Variants in DYNC1LI2 observed in about 807,000 individuals in gnomAD.
DYNC1LI2 encodes the protein dynein cytoplasmic 1 light intermediate chain 2, also known as cytoplasmic dynein 1 light intermediate chain 2.
In DYNC1LI2, 19 loss-of-function variants were observed where a neutral mutation model predicts 57.8. That is an observed-to-expected ratio of 0.33 (90% CI 0.23 to 0.48). The LOEUF (loss-of-function observed/expected upper bound fraction) is 0.48, where lower values mean the gene tolerates loss of function less well. DYNC1LI2 is among the 20% of genes least tolerant of loss of function. The probability of loss-of-function intolerance (pLI) is 0.99; values close to 1 mark genes in which losing one functional copy is unlikely to be tolerated. For synonymous variants in DYNC1LI2, 256 were observed against 233.4 expected, an observed-to-expected ratio of 1.10 and a Z score of -0.88; for missense variants, 470 against 604.2, an observed-to-expected ratio of 0.78 and a Z score of 2.33.
chr16:66,742,760 G>C (rs546004504), intron 3 of DYNC1LI2, 92 bp from the exon 4 acceptor site: 1 of 1,364,586 alleles, frequency 7.3e-7, no homozygotes, highest in East Asian at 2.5e-5. Context: ...TCTTGAAGGT[G>C]ACAGCTATGA....
rs201855076 is a variant in DYNC1LI2 at position 66,730,206 on chromosome 16, T to C, written c.947A>G (p.Asn316Ser). ...ATGTAAAATAGCTATTTTCTTTTCATTGTCCCAGCCTGCAGGTCTAAAGGC... is the reference window on the plus strand; with the variant it reads ...ATGTAAAATAGCTATTTTCTTTTCACTGTCCCAGCCTGCAGGTCTAAAGGC... ...DAVFIPAGWD[N>S]EKKIAILHEN... The change falls in exon 8 of 13, where the codon AAT becomes AGT. Residue 316 changes from asparagine to serine, a missense_variant. Physicochemically the swap from Asn to Ser is conservative, Grantham distance 46. Transcript: ENST00000258198. 13 of 1,613,782 alleles carry C rather than the reference T, an allele frequency of 8.1e-6. No homozygotes were observed. The highest frequency in any genetic ancestry group is 1.3e-5 in the African/African-American group (1 of 74,920).
chr16:66,738,882 CA>C (rs34609306), intron 4 of DYNC1LI2: 1 of 66,514 alleles, frequency 1.5e-5, no homozygotes, highest in African/African-American at 6.4e-5. Context: ...CAAAAAAAAA[CA>C]AACACACACA....
intron 2 of DYNC1LI2, 129 bp from the exon 3 acceptor site, chr16:66,749,442 T>C: frequency 1.1e-6 from 1 of 916,494 alleles, no homozygotes; most frequent in Non-Finnish European, 1.7e-6. Flanking sequence ...CTCACCTGCT[T>C]TCATAAACAA....
At position 66,742,401 on chromosome 16, in the gene DYNC1LI2, G is replaced by A. The variant is rs375923218; in HGVS notation, c.529+37C>T. ...TGATTCAAACCATCTAAAGAGACTC[G>A]TGAACTTCCCAATTAAGAAAATTAT... On this transcript the variant is annotated intron_variant, in intron 4 of 12. Transcript: ENST00000258198. 35 of 1,595,828 alleles carry A rather than the reference G, an allele frequency of 2.2e-5. No homozygotes were observed. In the African/African-American group the frequency reaches 3.8e-4, roughly 17 times the overall value.
chr16:66,726,283 C>A (rs1193524360), intron 11 of DYNC1LI2, among the ~76,000 whole-genome samples: 1 of 152,218 alleles, frequency 6.6e-6, no homozygotes, highest in African/African-American at 2.4e-5. Flanking sequence ...ATAGAAGACA[C>A]CCATCAAACA....
rs768050356 is a variant in DYNC1LI2 at position 66,749,258 on chromosome 16, A to G, written c.237T>C (p.His79=). 3 of 1,614,142 alleles carry G rather than the reference A, an allele frequency of 1.9e-6. No individual in the cohort carries two copies. The East Asian group carries it at 6.7e-5, about 36-fold the overall frequency. ...ATTCTAGGCCTCTTCCTTTTTTGCC[A>G]TGCTCAGCTCCTTGTAGTTTAGTCA... The part of the protein sequence containing the change: ...TLMTKLQGAE[H]GKKGRGLEYL... The change falls in exon 3 of 13, where the codon CAT becomes CAC. Residue 79 remains histidine (H), a synonymous_variant. Coordinates refer to ENST00000258198, the MANE Select transcript of DYNC1LI2 (RefSeq NM_006141.3).
chr16:66,738,692 T>C (rs1596993501), intron 4 of DYNC1LI2, among the ~76,000 whole-genome samples: 2 of 151,838 alleles, frequency 1.3e-5, no homozygotes, highest in East Asian at 2.0e-4. Flanking sequence ...CTGGCCAACA[T>C]GGTGAAACCT....
rs2017466836 is a variant in DYNC1LI2 at position 66,722,566 on chromosome 16, T to C, written c.*1156A>G. On this transcript the variant is annotated 3_prime_UTR_variant, in exon 13 of 13. Transcript: ENST00000258198. Reference sequence around the variant, plus strand: ...TTATGAAAACACCTAACAAGAGAAATGTATCATTTCCATTTTCTGTATAAA... The same window carrying C: ...TTATGAAAACACCTAACAAGAGAAACGTATCATTTCCATTTTCTGTATAAA... The C allele has an allele frequency of 6.6e-6, 1 of 152,574 alleles. No individual in the cohort carries two copies. Among genetic ancestry groups the C allele is most frequent in the Non-Finnish European group, 1.5e-5 (1 of 68,034 alleles). 9.5% of individuals were successfully genotyped at this position (152,574 alleles called of 1,614,324 possible). A position where few individuals can be genotyped will look rare whatever the true frequency, so the allele number is the denominator to read the frequency against.
chr16:66,751,176 G>T lies in DYNC1LI2; in HGVS notation c.181+97C>A. 1 of 1,364,668 alleles carries T rather than the reference G, an allele frequency of 7.3e-7. No homozygotes were observed. Among genetic ancestry groups the T allele is most frequent in the Non-Finnish European group, 9.9e-7 (1 of 1,007,682 alleles). 84.5% of individuals were successfully genotyped at this position (1,364,668 alleles called of 1,614,324 possible). Reference sequence around the variant, plus strand: ...CGGTCCCTTTCCCGCCAGGCTGCGGGCAGGCGGCTGGAACGGGGAAGGCGG... The same window carrying T: ...CGGTCCCTTTCCCGCCAGGCTGCGGTCAGGCGGCTGGAACGGGGAAGGCGG... On this transcript the variant is annotated intron_variant, in intron 2 of 12. Transcript: ENST00000258198. The surrounding 1 kb of genome is among the most constrained non-coding windows in gnomAD (Gnocchi z 5.2).
At chr16:66,725,127 A>C (rs576439799) in intron 12 of DYNC1LI2, among the ~76,000 whole-genome samples, 1 of 147,154 alleles carries the variant, frequency 6.8e-6, no homozygotes, top group Non-Finnish European at 1.5e-5. Flanking sequence ...GTGAGTTGAG[A>C]TCATGCCACT....
chr16:66,732,482 A>G lies in DYNC1LI2; in HGVS notation c.794-8T>C. On this transcript the variant is annotated splice_region_variant and splice_polypyrimidine_tract_variant and intron_variant, in intron 6 of 12. Coordinates refer to ENST00000258198, the MANE Select transcript of DYNC1LI2 (RefSeq NM_006141.3). The stretch of plus-strand genomic sequence containing the variant: ...AAATCAAGGCAGCTCCATCTAATCA[A>G]TCTGCTCAAGAAAAATCAATTCACT... The G allele has an allele frequency of 6.2e-7, 1 of 1,607,628 alleles. No individual in the cohort carries two copies. Among genetic ancestry groups the G allele is most frequent in the Non-Finnish European group, 8.5e-7 (1 of 1,178,798 alleles).
chr16:66,736,777 T>C (rs996775203), intron 4 of DYNC1LI2, among the ~76,000 whole-genome samples: 8 of 152,198 alleles, frequency 5.3e-5, no homozygotes, highest in Non-Finnish European at 4.4e-5. Context: ...ATTATGGGAT[T>C]ACAGTCTTGA....
intron 12 of DYNC1LI2, among the ~76,000 whole-genome samples, chr16:66,725,260 C>T (rs7201865): frequency 0.3 from 45,346 of 151,116 alleles, 8,024 homozygotes; most frequent in East Asian, 0.6. Context: ...GGAGGGATCA[C>T]CTGGGGTCAG....
At chr16:66,740,758 G>A (rs895767794) in intron 4 of DYNC1LI2, among the ~76,000 whole-genome samples, 34 of 152,306 alleles carry the variant, frequency 2.2e-4, no homozygotes, top group African/African-American at 7.7e-4. Context: ...TCAGGAGGAA[G>A]AGAACCACAC....
chr16:66,747,682 G>A (rs1333028936), intron 3 of DYNC1LI2, among the ~76,000 whole-genome samples: 1 of 150,450 alleles, frequency 6.6e-6, no homozygotes, highest in African/African-American at 2.5e-5. Context: ...TGATTTTCAT[G>A]CCTCAGCCTC....
At chr16:66,729,365 G>C (rs186337054) in intron 8 of DYNC1LI2, among the ~76,000 whole-genome samples, 4 of 152,250 alleles carry the variant, frequency 2.6e-5, no homozygotes, top group Admixed American at 2.0e-4. Flanking sequence ...TCCAGTAACA[G>C]TAATCCAGAG....
intron 3 of DYNC1LI2, among the ~76,000 whole-genome samples, chr16:66,748,555 T>C (rs937396660): frequency 7.1e-6 from 1 of 140,240 alleles, no homozygotes; most frequent in Non-Finnish European, 1.6e-5. Context: ...ACACAGAAAA[T>C]GGGCATTTCT....
intron 6 of DYNC1LI2, 61 bp from the exon 7 acceptor site, chr16:66,732,535 C>T: frequency 6.4e-7 from 1 of 1,565,348 alleles, no homozygotes; most frequent in Non-Finnish European, 8.6e-7. Flanking sequence ...CGAACACATA[C>T]AACCTCAAAG....
At chr16:66,743,522 C>T (rs577479649) in intron 3 of DYNC1LI2, among the ~76,000 whole-genome samples, 1 of 139,072 alleles carries the variant, frequency 7.2e-6, no homozygotes, top group South Asian at 2.3e-4. Context: ...GATCGTGCCA[C>T]TGCACTCCAG....
Sources: gnomAD v4.1 joint callset for allele counts (sites outside exome capture counted in the v4.1 genomes callset) on GRCh38, gnomAD v4.1.1 for gene constraint, Gnocchi (gnomAD v3.1) non-coding constraint, MANE v1.5 for transcripts, NCBI Gene and HGNC (gene_info 2026-07-23, HGNC 2026-07-21) for gene names.